SGCZ: variants seen among roughly 807,000 people sequenced by gnomAD.
The protein encoded by SGCZ is zeta-sarcoglycan.
A neutral mutation model predicts 41.3 loss-of-function variants in SGCZ; 40 were observed. The observed-to-expected ratio is 0.97, with a 90% CI of 0.75 to 1.26. SGCZ has a LOEUF of 1.26. Among genes scored for constraint, SGCZ ranks in the 50% most tolerant of loss-of-function variants. The pLI is 0.00. For synonymous variants in SGCZ, 206 were observed against 137.5 expected, an observed-to-expected ratio of 1.50 and a Z score of -3.49; for missense variants, 552 against 369.8, an observed-to-expected ratio of 1.49 and a Z score of -4.04.
intron 1 of SGCZ, among the ~76,000 whole-genome samples, chr8:14,794,714 A>C (rs1801069395): frequency 2.0e-5 from 3 of 152,190 alleles, no homozygotes; most frequent in Admixed American, 1.3e-4. Context: ...GGATGAAAAT[A>C]GGCTCACGAA....
rs1040832622 is a variant in SGCZ at position 14,222,583 on chromosome 8, T to C, written c.424+15009A>G. 6.6e-5 allele frequency among the ~76,000 whole-genome samples: 10 copies of C among 152,240 alleles called. No individual in the cohort carries two copies. In the South Asian group the frequency reaches 1.7e-3, roughly 25 times the overall value. ...GACAGATTATGTATTCTGGAGGATA[T>C]TCTCCCACGAAGATCAGAAAACTCT... On this transcript the variant is annotated intron_variant, in intron 4 of 7. Transcript: ENST00000382080.
chr8:14,765,549 A>G (rs1207050097), intron 1 of SGCZ, among the ~76,000 whole-genome samples: 1 of 152,202 alleles, frequency 6.6e-6, no homozygotes, highest in Non-Finnish European at 1.5e-5. Flanking sequence ...TATCCCTCAG[A>G]ATGGATAGGC....
chr8:14,832,050 CAGAA>C (rs1385363103), intron 1 of SGCZ, among the ~76,000 whole-genome samples: 1 of 152,048 alleles, frequency 6.6e-6, no homozygotes, highest in Non-Finnish European at 1.5e-5. Context: ...GATTAACAAA[CAGAA>C]AGCAGTTTCA....
At chr8:14,343,284 G>A (rs1411973366) in intron 2 of SGCZ, among the ~76,000 whole-genome samples, 1 of 152,192 alleles carries the variant, frequency 6.6e-6, no homozygotes, top group Admixed American at 6.5e-5. Flanking sequence ...GCACTGCCTA[G>A]TGGAGCTGCA....
In SGCZ at chr8:14,730,367, G is replaced by A. The variant is rs184804260; in HGVS notation, c.40-175441C>T. ...TGTATGTATACTGGGGTGGAGTGAG[G>A]AGACGGGATATATAAGGATAAGCAA... On this transcript the variant is annotated intron_variant, in intron 1 of 7. Transcript: ENST00000382080. Among the ~76,000 whole-genome samples, 371 of 152,202 alleles carry A rather than the reference G, an allele frequency of 2.4e-3. 3 individuals carry two copies. Among genetic ancestry groups the A allele is most frequent in the African/African-American group, 6.8e-3 (281 of 41,514 alleles).
chr8:14,104,943 C>CA (rs905427654), intron 6 of SGCZ, among the ~76,000 whole-genome samples: 11 of 151,494 alleles, frequency 7.3e-5, no homozygotes, highest in East Asian at 5.8e-4. Flanking sequence ...ATCTCAGATC[C>CA]AAAAAAAATC....
At chr8:14,136,264 C>A (rs1380245945) in intron 5 of SGCZ, among the ~76,000 whole-genome samples, 1 of 152,110 alleles carries the variant, frequency 6.6e-6, no homozygotes, top group Non-Finnish European at 1.5e-5. Context: ...TCTGCATTTC[C>A]AACTGAGGTA....
chr8:14,716,495 GT>G (rs1809695251), intron 1 of SGCZ, among the ~76,000 whole-genome samples: 1 of 152,004 alleles, frequency 6.6e-6, no homozygotes, highest in African/African-American at 2.4e-5. Flanking sequence ...ACCGAGTTTT[GT>G]TTAGAAGACA....
chr8:14,738,242 C>T (rs1169922705), intron 1 of SGCZ, among the ~76,000 whole-genome samples: 1 of 152,000 alleles, frequency 6.6e-6, no homozygotes, highest in South Asian at 2.1e-4. Context: ...ATCATCTTAT[C>T]TAATTGACAA....
intron 1 of SGCZ, among the ~76,000 whole-genome samples, chr8:14,560,477 A>G (rs944316083): frequency 1.3e-5 from 2 of 152,028 alleles, no homozygotes; most frequent in Non-Finnish European, 2.9e-5. Context: ...AGCATAGGAG[A>G]AAGCTGAAGA....
At chr8:14,885,198 G>T (rs975657710) in intron 1 of SGCZ, among the ~76,000 whole-genome samples, 1 of 152,080 alleles carries the variant, frequency 6.6e-6, no homozygotes, top group Non-Finnish European at 1.5e-5. Context: ...GTGCCTGTTT[G>T]TTTTTAAATT....
At chr8:15,223,354 A>G (rs1801666323) in intron 1 of SGCZ, among the ~76,000 whole-genome samples, 1 of 152,312 alleles carries the variant, frequency 6.6e-6, no homozygotes, top group East Asian at 1.9e-4. Context: ...ATCACTTCAA[A>G]AGTTGGCTTC....
chr8:14,240,353 A>AAAAAAAAAAAAAAAAAAAT, intron 3 of SGCZ, among the ~76,000 whole-genome samples: 1 of 105,812 alleles, frequency 9.5e-6, no homozygotes, highest in African/African-American at 3.4e-5. Flanking sequence ...AAAAAAAAAA[A>AAAAAAAAAAAAAAAAAAAT]AAGAACTGAA....
chr8:14,164,642 C>G lies in SGCZ; in HGVS notation c.485G>C (p.Arg162Thr). 6.2e-7 allele frequency: 1 copy of G among 1,613,672 alleles called. No homozygotes were observed. Among genetic ancestry groups the G allele is most frequent in the Non-Finnish European group, 8.5e-7 (1 of 1,179,728 alleles). The part of the protein sequence containing the change: ...RFEVRASEDG[R>T]VLFSADEDEI... The stretch of plus-strand genomic sequence containing the variant: ...ATCTTCATCTGCAGAAAACAGCACC[C>G]TGCCATCTTCACTGGCTCTCACTTC... Residue 162 changes from arginine (R) to threonine (T), a missense_variant, in exon 5 of 8, where the codon AGG becomes ACG. Coordinates refer to ENST00000382080, the MANE Select transcript of SGCZ (RefSeq NM_139167.4).
chr8:14,462,274 C>T (rs1424031098), intron 2 of SGCZ, among the ~76,000 whole-genome samples: 2 of 150,066 alleles, frequency 1.3e-5, no homozygotes, highest in Non-Finnish European at 3.0e-5. Context: ...TATAGAGGTG[C>T]AAGAAAAAAA....
chr8:15,035,971 G>C (rs1803859611), intron 1 of SGCZ, among the ~76,000 whole-genome samples: 1 of 151,670 alleles, frequency 6.6e-6, no homozygotes, highest in African/African-American at 2.4e-5. Flanking sequence ...TTAGCCCAAA[G>C]ATAGTATAAG....
intron 2 of SGCZ, among the ~76,000 whole-genome samples, chr8:14,442,429 T>G (rs1381873721): frequency 6.6e-6 from 1 of 152,182 alleles, no homozygotes; most frequent in Non-Finnish European, 1.5e-5. Flanking sequence ...GTGAGTCCAT[T>G]AAGTCTCTTT....
chr8:14,120,656 A>G (rs1018565955), intron 5 of SGCZ, among the ~76,000 whole-genome samples: 4 of 152,132 alleles, frequency 2.6e-5, no homozygotes, highest in African/African-American at 9.6e-5. Context: ...AAAAAATCCA[A>G]AAGAATCTAC....
intron 1 of SGCZ, among the ~76,000 whole-genome samples, chr8:14,706,600 A>ACTC (rs1262811583): frequency 1.4e-4 from 22 of 152,046 alleles, no homozygotes; most frequent in African/African-American, 4.6e-4. Context: ...TGAAGCTCTA[A>ACTC]CTCTTTAATT....
Sources: allele counts gnomAD v4.1 joint callset (sites outside exome capture counted in the v4.1 genomes callset), GRCh38; gene constraint gnomAD v4.1.1; transcripts MANE v1.5; gene names NCBI Gene and HGNC (gene_info 2026-07-23, HGNC 2026-07-21).